NFATC3: variants seen among roughly 807,000 people sequenced by gnomAD.
NFATC3 encodes nuclear factor of activated T cells 3, also known as nuclear factor of activated T-cells, cytoplasmic 3.
Under a neutral mutation model 98.6 loss-of-function variants are expected in NFATC3, and 46 were observed. The ratio of observed to expected loss-of-function variants is 0.47; its 90% CI spans 0.37 to 0.60. The LOEUF (loss-of-function observed/expected upper bound fraction) is 0.60. Among genes scored for constraint, NFATC3 ranks in the 20% least tolerant of loss-of-function variants. NFATC3 has a pLI of 0.00. For synonymous variants in NFATC3, 512 were observed against 472.2 expected (o/e 1.08, Z -1.09); for missense variants, 1,256 against 1,295.5 (o/e 0.97, Z 0.47).
chr16:68,085,624 G>C lies in NFATC3; in HGVS notation c.-58G>C. ...GCGGCGTTGAGGAGCTGCTGCCGCC[G>C]CTTGCCGCTGCCGCCGCCGCCGCCT... On this transcript the variant is annotated 5_prime_UTR_variant, in exon 1 of 10. Coordinates refer to ENST00000346183, the MANE Select transcript of NFATC3 (RefSeq NM_173165.3). The C allele has an allele frequency of 7.0e-7, 1 of 1,433,642 alleles. No individual in the cohort carries two copies. Among genetic ancestry groups the C allele is most frequent in the Non-Finnish European group, 9.2e-7 (1 of 1,082,146 alleles). The allele number at this position is 1,433,642 out of a possible 1,614,324, so 88.8% of individuals were successfully genotyped here. A position where few individuals can be genotyped will look rare whatever the true frequency, so the allele number is the denominator to read the frequency against.
chr16:68,210,862 A>G (rs1247671881), intron 9 of NFATC3, among the ~76,000 whole-genome samples: 1 of 151,926 alleles, frequency 6.6e-6, no homozygotes, highest in Non-Finnish European at 1.5e-5. Context: ...GCTCACTGCA[A>G]CCTCTGCCTC....
intron 4 of NFATC3, 67 bp from the exon 5 acceptor site, chr16:68,166,776 T>C (rs2039219566): frequency 8.1e-7 from 1 of 1,233,534 alleles, no homozygotes; most frequent in Non-Finnish European, 1.1e-6. Flanking sequence ...ACAATTTCTA[T>C]GTAGTTGAGT....
At chr16:68,167,800 C>T (rs975414878) in intron 5 of NFATC3, among the ~76,000 whole-genome samples, 9 of 81,964 alleles carry the variant, frequency 1.1e-4, no homozygotes, top group South Asian at 8.0e-4. Flanking sequence ...ATCTGTTAAC[C>T]GTATGTGTTC....
chr16:68,130,075 C>T (rs2037040215), intron 3 of NFATC3, among the ~76,000 whole-genome samples: 1 of 152,114 alleles, frequency 6.6e-6, no homozygotes, highest in South Asian at 2.1e-4. Context: ...TATTTTGGTT[C>T]CATATCTTGG....
At chr16:68,199,073 G>C (rs2040793989) in intron 9 of NFATC3, among the ~76,000 whole-genome samples, 1 of 150,720 alleles carries the variant, frequency 6.6e-6, no homozygotes, top group African/African-American at 2.4e-5. Context: ...AAAATTAGCT[G>C]ATCATGGTGA....
At chr16:68,106,031 G>T (rs552611440) in intron 1 of NFATC3, among the ~76,000 whole-genome samples, 5 of 151,742 alleles carry the variant, frequency 3.3e-5, no homozygotes, top group Admixed American at 3.3e-4. Context: ...ACCACGCCAG[G>T]CTAACTTTTG....
intron 9 of NFATC3, among the ~76,000 whole-genome samples, chr16:68,196,403 G>A (rs2040672567): frequency 6.6e-6 from 1 of 152,208 alleles, no homozygotes; most frequent in Non-Finnish European, 1.5e-5. Flanking sequence ...TTACAGGCAT[G>A]AGCCACCATG....
At chr16:68,086,064 C>CA (rs1187808935) in intron 1 of NFATC3, 9 of 378,922 alleles carry the variant, frequency 2.4e-5, no homozygotes, top group African/African-American at 1.3e-4. Flanking sequence ...GGCTGCTGCC[C>CA]AAGTGGCGTC....
chr16:68,219,886 T>C (rs1031948609), intron 9 of NFATC3, among the ~76,000 whole-genome samples: 2 of 152,230 alleles, frequency 1.3e-5, no homozygotes, highest in Non-Finnish European at 2.9e-5. Context: ...TATATACTTG[T>C]CAGTTCTAAC....
intron 4 of NFATC3, among the ~76,000 whole-genome samples, chr16:68,165,014 T>C (rs950533791): frequency 6.6e-6 from 1 of 152,176 alleles, no homozygotes; most frequent in African/African-American, 2.4e-5. Flanking sequence ...CATTTAAGAG[T>C]TTTCAGATGT....
chr16:68,162,589 C>CTTT (rs1203578990), intron 4 of NFATC3, among the ~76,000 whole-genome samples: 77 of 138,990 alleles, frequency 5.5e-4, no homozygotes, highest in African/African-American at 1.6e-3. Flanking sequence ...AGCCTAAACT[C>CTTT]TTTTTTTTTT....
chr16:68,164,930 T>A (rs1029998348), intron 4 of NFATC3, among the ~76,000 whole-genome samples: 9 of 152,224 alleles, frequency 5.9e-5, no homozygotes, highest in African/African-American at 1.9e-4. Flanking sequence ...GTTTTAAAGA[T>A]AATTTAATAC....
At chr16:68,087,663 A>G (rs2034462914) in intron 1 of NFATC3, among the ~76,000 whole-genome samples, 1 of 152,186 alleles carries the variant, frequency 6.6e-6, no homozygotes, top group Non-Finnish European at 1.5e-5. Flanking sequence ...CATTTTCTTC[A>G]TCCAAAAGAA....
intron 9 of NFATC3, chr16:68,209,852 C>T: frequency 7.9e-6 from 2 of 254,252 alleles, no homozygotes; most frequent in South Asian, 7.3e-5. Context: ...CACACACAGA[C>T]ACACACACAC....
chr16:68,181,895 GC>G (rs1401247648), intron 7 of NFATC3, among the ~76,000 whole-genome samples: 1 of 152,112 alleles, frequency 6.6e-6, no homozygotes, highest in Non-Finnish European at 1.5e-5. Flanking sequence ...CCACTGCACT[GC>G]AGCCTGAGTG....
In NFATC3 at chr16:68,191,012, T is replaced by C. The variant is rs1340824077; in HGVS notation, c.2343T>C (p.Ile781=). The C allele has an allele frequency of 6.2e-7, 1 of 1,614,222 alleles. No homozygotes were observed. Among genetic ancestry groups the C allele is most frequent in the Admixed American group, 1.7e-5 (1 of 60,014 alleles). ...GTGTTAGTAAAGAACAGCATATGAT[T>C]CCTTCTCCAATTGTACACCAGCCTT... is the stretch of plus-strand genomic sequence containing the variant. ...DESVSKEQHM[I]PSPIVHQPFQ... is the part of the protein sequence containing the mutation. The change falls in exon 9 of 10, where the codon ATT becomes ATC. Residue 781 remains isoleucine (I), a synonymous_variant. Coordinates refer to ENST00000346183, the MANE Select transcript of NFATC3 (RefSeq NM_173165.3).
At chr16:68,205,201 G>A (rs1273531485) in intron 9 of NFATC3, among the ~76,000 whole-genome samples, 1 of 152,062 alleles carries the variant, frequency 6.6e-6, no homozygotes, top group East Asian at 1.9e-4. Context: ...AACATCTATA[G>A]ATGATTTTAT....
intron 9 of NFATC3, chr16:68,221,127 G>A (rs567342127): frequency 6.6e-7 from 1 of 1,516,322 alleles, no homozygotes. Context: ...GCAAGCATTA[G>A]TATTTTTAAC....
At chr16:68,220,081 A>C (rs1481887294) in intron 9 of NFATC3, among the ~76,000 whole-genome samples, 2 of 152,264 alleles carry the variant, frequency 1.3e-5, no homozygotes, top group African/African-American at 4.8e-5. Context: ...GTGGTGGCAC[A>C]GGCAAATTCA....
Sources: gnomAD v4.1 joint callset for allele counts (sites outside exome capture counted in the v4.1 genomes callset) on GRCh38, gnomAD v4.1.1 for gene constraint, MANE v1.5 for transcripts, NCBI Gene and HGNC (gene_info 2026-07-23, HGNC 2026-07-21) for gene names.